Variants in RFFL observed in about 807,000 individuals in gnomAD.
RFFL encodes the protein ring finger and FYVE like domain containing E3 ubiquitin protein ligase.
Under a neutral mutation model 40.4 loss-of-function variants are expected in RFFL, and 16 were observed. The ratio of observed to expected loss-of-function variants is 0.40; its 90% CI spans 0.27 to 0.60. RFFL has a LOEUF of 0.60. RFFL is among the 20% of genes least tolerant of loss of function. RFFL has a pLI of 0.47. For synonymous variants in RFFL, 154 were observed against 167.9 expected (o/e 0.92, Z 0.64); for missense variants, 367 against 451.7 (o/e 0.81, Z 1.70).
chr17:35,019,786 C>T (rs145169120), intron 3 of RFFL, among the ~76,000 whole-genome samples: 2 of 151,806 alleles, frequency 1.3e-5, no homozygotes, highest in African/African-American at 2.4e-5. Context: ...GAGTTTAAAT[C>T]TGTCTAGCAG....
At chr17:35,037,516 G>T (rs1365297934) in intron 1 of RFFL, among the ~76,000 whole-genome samples, 3 of 152,312 alleles carry the variant, frequency 2.0e-5, no homozygotes, top group African/African-American at 7.2e-5. Context: ...AAAGAAGAAA[G>T]TAGCCACTCT....
At chr17:35,065,708 G>A (rs1355849095), upstream of RFFL, among the ~76,000 whole-genome samples, 1 of 152,162 alleles carries the variant, frequency 6.6e-6, no homozygotes. Flanking sequence ...GAACAGAGCT[G>A]CTGCAGCTTA....
chr17:35,044,339 G>C (rs888118609), intron 1 of RFFL, among the ~76,000 whole-genome samples: 6 of 152,214 alleles, frequency 3.9e-5, no homozygotes, highest in Non-Finnish European at 5.9e-5. Flanking sequence ...GCCTCCCAAA[G>C]TGCTGGGATT....
At chr17:35,054,302 GTAAAACACAATTTTGCT>G (rs2091247588) in intron 1 of RFFL, among the ~76,000 whole-genome samples, 1 of 152,118 alleles carries the variant, frequency 6.6e-6, no homozygotes, top group Non-Finnish European at 1.5e-5. Context: ...AATATTTACT[GTAAAACACAATTTTGCT>G]TAACAACACA....
At chr17:35,088,466 C>T (rs1050294298) in intron 1 of RFFL, among the ~76,000 whole-genome samples, 2 of 152,214 alleles carry the variant, frequency 1.3e-5, no homozygotes, top group African/African-American at 2.4e-5. Context: ...CCAGACTTCC[C>T]CATGTCTGGT....
intron 1 of RFFL, among the ~76,000 whole-genome samples, chr17:35,047,183 C>A (rs1367182099): frequency 1.3e-5 from 2 of 152,070 alleles, no homozygotes; most frequent in Non-Finnish European, 2.9e-5. Context: ...AATGGGTAAC[C>A]AGGATTTTTT....
At chr17:35,047,190 T>G (rs1457470566) in intron 1 of RFFL, among the ~76,000 whole-genome samples, 1 of 152,220 alleles carries the variant, frequency 6.6e-6, no homozygotes, top group Non-Finnish European at 1.5e-5. Flanking sequence ...AACCAGGATT[T>G]TTTTTTAAAT....
chr17:35,040,175 C>T (rs528102793), intron 1 of RFFL, among the ~76,000 whole-genome samples: 6 of 152,330 alleles, frequency 3.9e-5, no homozygotes, highest in African/African-American at 1.4e-4. Flanking sequence ...TAGCTTCTAG[C>T]ACTCTGCCCC....
At chr17:35,037,070 T>C (rs576765044) in intron 1 of RFFL, among the ~76,000 whole-genome samples, 28 of 152,350 alleles carry the variant, frequency 1.8e-4, no homozygotes, top group Admixed American at 6.5e-4. Context: ...CACAAAAGCA[T>C]AGACAGCTAC....
intron 1 of RFFL, 75 bp downstream of exon 1, chr17:35,063,501 T>C (rs1017293248): frequency 7.1e-6 from 1 of 140,796 alleles, no homozygotes; most frequent in African/African-American, 2.6e-5. Context: ...GACTCACTTC[T>C]GAAGACAGGA....
intron 1 of RFFL, among the ~76,000 whole-genome samples, chr17:35,054,547 C>T (rs2091248995): frequency 6.6e-6 from 1 of 151,978 alleles, no homozygotes; most frequent in Admixed American, 6.6e-5. Context: ...CCCCTCCCTC[C>T]CCCACCTCTC....
chr17:35,012,095 G>T lies in RFFL; in HGVS notation c.965C>A (p.Ser322Ter). The change falls in exon 7 of 7, where the codon TCA becomes TAA. Residue 322 changes from serine to a stop codon, truncating the protein, a stop_gained. Coordinates refer to ENST00000394597, the MANE Select transcript of RFFL (RefSeq NM_001017368.2). LOFTEE classifies it high-confidence loss of function. The part of the protein sequence containing the change: ...EENLCKICMD[S>*]PIDCVLLECG... ...CTCCAGAAGAACACAGTCAATGGGT[G>T]AGTCCATGCAGATCTTACACAGGTT... 1 of 1,614,200 alleles carries T rather than the reference G, an allele frequency of 6.2e-7. No individual in the cohort carries two copies. The highest frequency in any genetic ancestry group is 8.5e-7 in the Non-Finnish European group (1 of 1,180,046).
intron 5 of RFFL, among the ~76,000 whole-genome samples, chr17:35,015,858 A>G (rs1458478189): frequency 6.6e-6 from 1 of 152,230 alleles, no homozygotes; most frequent in Non-Finnish European, 1.5e-5. Context: ...ACAGACCCAG[A>G]TATTTTCCTG....
Position 35,075,542 on chromosome 17 carries a change from C to T in RFFL, c.-9+13563G>A, listed in dbSNP as rs980151385. On this transcript the variant is annotated intron_variant, in intron 1 of 6. Coordinates refer to the RFFL transcript ENST00000315249. Reference sequence around the variant, plus strand: ...GCTTGTGAACAATTGAAACTTTCTCCAGTGCAAAGTCCAGACACAGGAAGC... The same window carrying T: ...GCTTGTGAACAATTGAAACTTTCTCTAGTGCAAAGTCCAGACACAGGAAGC... 7.9e-5 allele frequency among the ~76,000 whole-genome samples: 12 copies of T among 152,272 alleles called. No individual in the cohort carries two copies. The East Asian group carries it at 9.6e-4, about 12-fold the overall frequency.
chr17:35,087,665 C>G (rs766531820), intron 1 of RFFL, among the ~76,000 whole-genome samples: 9 of 152,152 alleles, frequency 5.9e-5, no homozygotes, highest in Non-Finnish European at 1.2e-4. Context: ...CAATCACAAT[C>G]AAGATATTAG....
At chr17:35,085,643 G>A (rs1463875487) in intron 1 of RFFL, among the ~76,000 whole-genome samples, 1 of 152,124 alleles carries the variant, frequency 6.6e-6, no homozygotes, top group Non-Finnish European at 1.5e-5. Context: ...TGGTCAGGCT[G>A]GTCTCTAACT....
chr17:35,009,607 T>C lies in RFFL; in HGVS notation c.*2361A>G, dbSNP rs1345677316. On this transcript the variant is annotated 3_prime_UTR_variant, in exon 7 of 7. Transcript: ENST00000394597. ...GATGCAAAAAAAAAAAAAATCAGGG[T>C]TGTTTGACACCTTTTTTCCTAAAGG... The C allele has an allele frequency of 6.7e-6, 1 of 149,708 alleles. No individual in the cohort carries two copies. The highest frequency in any genetic ancestry group is 1.5e-5 in the Non-Finnish European group (1 of 67,618). 9.3% of individuals were successfully genotyped at this position (149,708 alleles called of 1,614,324 possible).
Position 35,012,810 on chromosome 17 carries a change from A to G in RFFL, c.911-661T>C, listed in dbSNP as rs183268792. ...TGACTGCTTATCACATTGGATTAAA[A>G]TTTTGAGTTTGCCTACTTACTCCCA... On this transcript the variant is annotated intron_variant, in intron 6 of 6. Coordinates refer to ENST00000394597, the MANE Select transcript of RFFL (RefSeq NM_001017368.2). Among the ~76,000 whole-genome samples, 49 of 152,322 alleles carry G rather than the reference A, an allele frequency of 3.2e-4. 1 individual carries two copies. The highest frequency in any genetic ancestry group is 2.7e-3 in the Admixed American group (41 of 15,300).
chr17:35,016,336 G>A (rs773703514), intron 5 of RFFL, 34 bp downstream of exon 5: 3 of 1,586,660 alleles, frequency 1.9e-6, no homozygotes. Flanking sequence ...ACACTCCTGA[G>A]CTCTGTAAAG....
Sources: gnomAD v4.1 joint callset for allele counts (sites outside exome capture counted in the v4.1 genomes callset) on GRCh38, gnomAD v4.1.1 for gene constraint, MANE v1.5 for transcripts, NCBI Gene and HGNC (gene_info 2026-07-23, HGNC 2026-07-21) for gene names.